The following SYCP1 variants were observed in gnomAD, a reference collection of about 807,000 sequenced individuals.
SYCP1 encodes the protein synaptonemal complex protein 1, also known as cancer/testis antigen 8.
In SYCP1, 64 loss-of-function variants were observed where a neutral mutation model predicts 153.1. The ratio of observed to expected loss-of-function variants is 0.42; its 90% confidence interval spans 0.34 to 0.51. The LOEUF (loss-of-function observed/expected upper bound fraction) is 0.51, where lower values mean the gene tolerates loss of function less well. SYCP1 is among the 20% of genes least tolerant of loss of function. The pLI is 0.06. For missense variants in SYCP1, 997 were observed against 1,049.0 expected (o/e 0.95, Z 0.68); for synonymous variants, 384 against 341.8 (o/e 1.12, Z -1.36).
Position 114,994,879 on chromosome 1 carries a change from C to T in SYCP1, c.2794-3C>T, listed in dbSNP as rs1674172138. 1.9e-6 allele frequency: 3 copies of T among 1,585,136 alleles called. No individual in the cohort carries two copies. On this transcript the variant is annotated splice_region_variant and splice_polypyrimidine_tract_variant and intron_variant, in intron 31 of 31. Transcript: ENST00000369522. ...TGATTTTTAAATTTTATTTTGTACT[C>T]AGGCCCCTTCATCTCTAACAACCCC...
At chr1:114,888,590 A>G (rs1348282287) in intron 15 of SYCP1, among the ~76,000 whole-genome samples, 1 of 152,110 alleles carries the variant, frequency 6.6e-6, no homozygotes, top group East Asian at 1.9e-4. Flanking sequence ...AAATAATTGT[A>G]TCTTCTTAGG....
Position 114,944,460 on chromosome 1 carries a change from G to A in SYCP1, c.2043+5G>A. On this transcript the variant is annotated splice_donor_5th_base_variant and intron_variant, in intron 24 of 31. Coordinates refer to ENST00000369522, the MANE Select transcript of SYCP1 (RefSeq NM_003176.4). ...GAAGAAAATCTTTTGGAAGAGGTGG[G>A]AAAAACTTAATGTATTAAGAACTTA... 2.0e-6 allele frequency: 3 copies of A among 1,515,506 alleles called. No homozygotes were observed. The highest frequency in any genetic ancestry group is 2.7e-6 in the Non-Finnish European group (3 of 1,102,284). The allele number at this position is 1,515,506 out of a possible 1,614,324, so 93.9% of individuals were successfully genotyped here.
intron 15 of SYCP1, among the ~76,000 whole-genome samples, chr1:114,892,927 C>CA (rs1454490826): frequency 6.6e-6 from 1 of 152,040 alleles, no homozygotes; most frequent in Non-Finnish European, 1.5e-5. Context: ...GCTTAGAACT[C>CA]AGAGGGTGGG....
intron 16 of SYCP1, among the ~76,000 whole-genome samples, chr1:114,907,996 T>C (rs1667927695): frequency 6.6e-6 from 1 of 152,156 alleles, no homozygotes. Flanking sequence ...TTTATATTTA[T>C]TGCAATATTT....
At chr1:114,889,678 T>C (rs527266957) in intron 15 of SYCP1, among the ~76,000 whole-genome samples, 1 of 152,358 alleles carries the variant, frequency 6.6e-6, no homozygotes, top group East Asian at 1.9e-4. Context: ...TGGTAGTTTC[T>C]TTTGCTGTGC....
At chr1:114,900,707 T>A (rs1384290510) in intron 16 of SYCP1, among the ~76,000 whole-genome samples, 1 of 151,436 alleles carries the variant, frequency 6.6e-6, no homozygotes, top group Non-Finnish European at 1.5e-5. Context: ...CAATGTAAAA[T>A]CTGGTAAGTT....
At position 114,995,145 on chromosome 1, in the gene SYCP1, T is replaced by G; in HGVS notation, c.*126T>G. 1 of 927,752 alleles carries G rather than the reference T, an allele frequency of 1.1e-6. No homozygotes were observed. The highest frequency in any genetic ancestry group is 2.4e-5 in the South Asian group (1 of 40,952). 57.5% of individuals were successfully genotyped at this position (927,752 alleles called of 1,614,324 possible). ...CTTAAAAAATACTTGCATGAATGAT[T>G]TGTGTTTCTTTATATTTTTAGCCTA... On this transcript the variant is annotated 3_prime_UTR_variant, in exon 32 of 32. Transcript: ENST00000369522.
chr1:114,856,691 A>G, intron 3 of SYCP1, 34 bp downstream of exon 3: 1 of 1,490,770 alleles, frequency 6.7e-7, no homozygotes, highest in Non-Finnish European at 9.3e-7. Context: ...ATCAGCTTAT[A>G]TAGAAACATT....
chr1:114,969,666 T>C (rs1672354536), intron 27 of SYCP1, among the ~76,000 whole-genome samples: 1 of 152,160 alleles, frequency 6.6e-6, no homozygotes, highest in East Asian at 1.9e-4. Context: ...TTCTGTCTCA[T>C]TGGAGTTTCA....
intron 25 of SYCP1, among the ~76,000 whole-genome samples, chr1:114,945,216 A>T (rs1670633782): frequency 6.6e-6 from 1 of 152,002 alleles, no homozygotes; most frequent in South Asian, 2.1e-4. Flanking sequence ...GTTATCTGTG[A>T]TGAATGGAAG....
intron 26 of SYCP1, among the ~76,000 whole-genome samples, chr1:114,946,913 T>C (rs1670745030): frequency 6.6e-6 from 1 of 151,944 alleles, no homozygotes; most frequent in African/African-American, 2.4e-5. Flanking sequence ...CTAATTTTTG[T>C]ATTAATATTT....
intron 30 of SYCP1, among the ~76,000 whole-genome samples, chr1:114,987,499 T>C (rs1026318876): frequency 6.6e-6 from 1 of 151,958 alleles, no homozygotes; most frequent in Non-Finnish European, 1.5e-5. Flanking sequence ...ACCCTCTCTA[T>C]ACAAAAATTT....
chr1:114,874,618 A>T (rs1369420358), intron 9 of SYCP1, 54 bp downstream of exon 9: 2 of 1,090,308 alleles, frequency 1.8e-6, no homozygotes, highest in Admixed American at 4.7e-5. Context: ...TGAGCAAATT[A>T]GAGCGATTGC....
intron 27 of SYCP1, among the ~76,000 whole-genome samples, chr1:114,975,957 C>A (rs1262836837): frequency 1.3e-5 from 2 of 151,636 alleles, no homozygotes; most frequent in Non-Finnish European, 3.0e-5. Context: ...AAAAAATGAG[C>A]ACAAGATAGG....
intron 8 of SYCP1, among the ~76,000 whole-genome samples, chr1:114,864,656 T>C (rs1030434750): frequency 6.6e-6 from 1 of 151,778 alleles, no homozygotes; most frequent in Non-Finnish European, 1.5e-5. Flanking sequence ...GGCTGTCTAA[T>C]TTTTGTATTT....
chr1:114,895,959 G>A (rs1667033573), intron 16 of SYCP1, among the ~76,000 whole-genome samples: 1 of 152,156 alleles, frequency 6.6e-6, no homozygotes, highest in Non-Finnish European at 1.5e-5. Context: ...TCAGCAAACT[G>A]TCTGTAGAGG....
At chr1:114,878,639 G>A (rs956247339) in intron 12 of SYCP1, among the ~76,000 whole-genome samples, 10 of 152,200 alleles carry the variant, frequency 6.6e-5, no homozygotes, top group Non-Finnish European at 1.5e-4. Flanking sequence ...TGCCTCCCGA[G>A]TTCAAGCGAT....
intron 23 of SYCP1, among the ~76,000 whole-genome samples, chr1:114,937,077 G>T (rs551904502): frequency 6.6e-6 from 1 of 152,276 alleles, no homozygotes; most frequent in South Asian, 2.1e-4. Context: ...AAAAGAGCCC[G>T]CATTGCCAAG....
chr1:114,947,404 T>C, intron 27 of SYCP1, 84 bp downstream of exon 27: 1 of 916,382 alleles, frequency 1.1e-6, no homozygotes, highest in Non-Finnish European at 1.7e-6. Flanking sequence ...TATTATAAAA[T>C]AATTTGATAA....
Sources: allele counts gnomAD v4.1 joint callset (sites outside exome capture counted in the v4.1 genomes callset), GRCh38; gene constraint gnomAD v4.1.1; transcripts MANE v1.5; gene names NCBI Gene and HGNC (gene_info 2026-07-23, HGNC 2026-07-21).